RAD51B: variants seen among roughly 807,000 people sequenced by gnomAD.
The protein encoded by RAD51B is RAD51 paralog B, also known as DNA repair protein RAD51 homolog 2.
A neutral mutation model predicts 42.2 loss-of-function variants in RAD51B; 38 were observed. The observed-to-expected ratio is 0.90, with a 90% CI of 0.70 to 1.18. RAD51B has a LOEUF of 1.18. RAD51B is among the 50% of genes most tolerant of loss of function. The pLI is 0.00. For missense variants in RAD51B, 373 were observed against 400.7 expected (o/e 0.93, Z 0.59); for synonymous variants, 154 against 145.2 (o/e 1.06, Z -0.43).
chr14:67,974,603 T>G (rs1275992994), intron 7 of RAD51B, among the ~76,000 whole-genome samples: 1 of 152,134 alleles, frequency 6.6e-6, no homozygotes, highest in Non-Finnish European at 1.5e-5. Context: ...GTTAGGGTAT[T>G]AGATCAAAAC....
At chr14:68,351,135 T>C (rs550327130) in intron 8 of RAD51B, among the ~76,000 whole-genome samples, 4 of 152,274 alleles carry the variant, frequency 2.6e-5, no homozygotes, top group Admixed American at 1.3e-4. Context: ...AAAAGGTGAC[T>C]GTATACATAA....
intron 7 of RAD51B, among the ~76,000 whole-genome samples, chr14:68,120,432 G>A (rs2077628400): frequency 1.3e-5 from 2 of 152,130 alleles, no homozygotes; most frequent in African/African-American, 4.8e-5. Context: ...AATCACATTA[G>A]GCAGGTTTTA....
chr14:68,428,921 A>G (rs2084927999), intron 9 of RAD51B, among the ~76,000 whole-genome samples: 1 of 139,350 alleles, frequency 7.2e-6, no homozygotes, highest in African/African-American at 2.8e-5. Context: ...CCACCCCACG[A>G]CAGGCCCCAG....
chr14:67,971,236 A>T (rs1389335106), intron 7 of RAD51B, among the ~76,000 whole-genome samples: 1 of 152,076 alleles, frequency 6.6e-6, no homozygotes, highest in African/African-American at 2.4e-5. Context: ...CAACGGTTAC[A>T]TGCGAATTTT....
At chr14:67,914,959 A>C (rs1244792269) in intron 7 of RAD51B, among the ~76,000 whole-genome samples, 1 of 152,178 alleles carries the variant, frequency 6.6e-6, no homozygotes. Context: ...GTGGAGGAAT[A>C]GTTTTCCAAA....
At chr14:68,603,500 G>T (rs1566951885) in intron 10 of RAD51B, among the ~76,000 whole-genome samples, 1 of 151,982 alleles carries the variant, frequency 6.6e-6, no homozygotes, top group Non-Finnish European at 1.5e-5. Flanking sequence ...CATGTTATCT[G>T]TTTTTTTCAT....
rs116433004 is a variant in RAD51B, at chr14:68,446,945, G to A, written c.958-21227G>A. ...ATAATACACATATTAAGCTGGGTGC[G>A]GTGGCTCATGCCTGTAATCCCAGCA... On this transcript the variant is annotated intron_variant, in intron 9 of 10. Coordinates refer to ENST00000471583, the MANE Select transcript of RAD51B (RefSeq NM_133510.4). Among the ~76,000 whole-genome samples, 1,062 of 152,234 alleles carry A rather than the reference G, an allele frequency of 7.0e-3. 12 individuals are homozygous for A. The highest frequency in any genetic ancestry group is 0.024 in the African/African-American group (978 of 41,532).
intron 5 of RAD51B, among the ~76,000 whole-genome samples, chr14:67,879,615 G>T (rs191583705): frequency 4.6e-5 from 7 of 152,058 alleles, no homozygotes; most frequent in Middle Eastern, 3.4e-3. Flanking sequence ...GACTTTACAT[G>T]TATTTTTTAT....
intron 7 of RAD51B, among the ~76,000 whole-genome samples, chr14:68,118,625 T>C (rs1044325114): frequency 6.6e-6 from 1 of 152,244 alleles, no homozygotes; most frequent in African/African-American, 2.4e-5. Context: ...AAAGGAGTTG[T>C]GAGGACAACA....
At chr14:68,437,188 T>G (rs2085167133) in intron 9 of RAD51B, among the ~76,000 whole-genome samples, 1 of 152,186 alleles carries the variant, frequency 6.6e-6, no homozygotes, top group Non-Finnish European at 1.5e-5. Flanking sequence ...ATATGTTACT[T>G]ATATGCCTAA....
chr14:68,238,530 C>G (rs1169618326), intron 7 of RAD51B, among the ~76,000 whole-genome samples: 2 of 152,066 alleles, frequency 1.3e-5, no homozygotes, highest in African/African-American at 2.4e-5. Flanking sequence ...ATCTCAAATT[C>G]CTGCCCTCAA....
intron 5 of RAD51B, among the ~76,000 whole-genome samples, chr14:67,876,880 G>A (rs8015520): frequency 0.06 from 9,157 of 152,196 alleles, 658 homozygotes; most frequent in African/African-American, 0.18. Context: ...TCCAGGGAGG[G>A]AGGAGATTTT....
chr14:68,443,395 G>A (rs2085347536), intron 9 of RAD51B, among the ~76,000 whole-genome samples: 1 of 152,200 alleles, frequency 6.6e-6, no homozygotes. Flanking sequence ...ATGTGCGCAT[G>A]TGCCTCTGAC....
intron 10 of RAD51B, among the ~76,000 whole-genome samples, chr14:68,606,006 A>C (rs1007979815): frequency 9.9e-5 from 15 of 152,214 alleles, no homozygotes; most frequent in African/African-American, 3.6e-4. Context: ...CTAAACTGTC[A>C]GTCAGCGTCC....
chr14:67,942,638 G>A lies in RAD51B; in HGVS notation c.756+55434G>A, dbSNP rs139009295. The stretch of plus-strand genomic sequence containing the variant: ...GCAGACACACTGAACTTAAAGTGAA[G>A]GTTTACGTGAAGTAGCAGGAGTAAC... On this transcript the variant is annotated intron_variant, in intron 7 of 10. Coordinates refer to ENST00000471583, the MANE Select transcript of RAD51B (RefSeq NM_133510.4). 8.3e-3 allele frequency among the ~76,000 whole-genome samples: 1,265 copies of A among 152,296 alleles called. 10 individuals carry two copies. Among genetic ancestry groups the A allele is most frequent in the Middle Eastern group, 0.014 (4 of 294 alleles).
At chr14:68,467,431 G>A (rs1369117520) in intron 9 of RAD51B, among the ~76,000 whole-genome samples, 3 of 152,254 alleles carry the variant, frequency 2.0e-5, no homozygotes, top group Non-Finnish European at 1.5e-5. Context: ...CAACTCTTTA[G>A]CCTGAGCCTT....
At chr14:68,430,355 C>T (rs1436804801) in intron 9 of RAD51B, among the ~76,000 whole-genome samples, 18 of 152,184 alleles carry the variant, frequency 1.2e-4, no homozygotes, top group Non-Finnish European at 2.1e-4. Flanking sequence ...GCCATTTTCA[C>T]GATACTGATT....
At chr14:68,648,805 G>C (rs1327346975) in intron 10 of RAD51B, among the ~76,000 whole-genome samples, 1 of 151,958 alleles carries the variant, frequency 6.6e-6, no homozygotes, top group African/African-American at 2.4e-5. Context: ...CAATGACAGT[G>C]TTGGGCCAGA....
At chr14:67,835,495 T>C (rs1025999245) in intron 4 of RAD51B, among the ~76,000 whole-genome samples, 1 of 151,978 alleles carries the variant, frequency 6.6e-6, no homozygotes, top group African/African-American at 2.4e-5. Flanking sequence ...ATATAATGCA[T>C]ACATATATGT....
Sources: gnomAD v4.1 joint callset for allele counts (sites outside exome capture counted in the v4.1 genomes callset) on GRCh38, gnomAD v4.1.1 for gene constraint, MANE v1.5 for transcripts, NCBI Gene and HGNC (gene_info 2026-07-23, HGNC 2026-07-21) for gene names.